FTO: variants seen among roughly 807,000 people sequenced by gnomAD.
FTO encodes the protein alpha-ketoglutarate-dependent dioxygenase FTO.
Under a neutral mutation model 63.9 loss-of-function variants are expected in FTO, and 47 were observed. That is an observed-to-expected ratio of 0.74 (90% CI 0.58 to 0.94). FTO has a LOEUF of 0.94. FTO is among the 40% of genes least tolerant of loss of function. The probability of loss-of-function intolerance (pLI) is 0.00; values close to 1 mark genes in which losing one functional copy is unlikely to be tolerated. For missense variants in FTO, 562 were observed against 618.1 expected (o/e 0.91, Z 0.96); for synonymous variants, 207 against 224.4 (o/e 0.92, Z 0.69).
intron 1 of FTO, among the ~76,000 whole-genome samples, chr16:53,788,774 G>A (rs551863344): frequency 6.6e-6 from 1 of 152,172 alleles, no homozygotes; most frequent in South Asian, 2.1e-4. Flanking sequence ...GGGAGACCTT[G>A]GGTGTCTCTT....
At chr16:53,751,084 A>G (rs374824131) in intron 1 of FTO, among the ~76,000 whole-genome samples, 7 of 152,256 alleles carry the variant, frequency 4.6e-5, no homozygotes, top group African/African-American at 1.7e-4. Context: ...CTGGGCCACA[A>G]TGGAAGAATT....
Position 54,111,935 on chromosome 16 carries a change from C to T in FTO, c.*20C>T, listed in dbSNP as rs758033988. On this transcript the variant is annotated 3_prime_UTR_variant, in exon 9 of 9. Coordinates refer to ENST00000471389, the MANE Select transcript of FTO (RefSeq NM_001080432.3). ...CCCTAGAAGGAGCACAAGTCTCAGG[C>T]GGAGGAGAAAAAGAGATCGGCTTTT... 42 of 1,613,658 alleles carry T rather than the reference C, an allele frequency of 2.6e-5. No homozygotes were observed. The highest frequency in any genetic ancestry group is 4.5e-5 in the East Asian group (2 of 44,878).
At chr16:53,931,298 C>CTTT (rs869204000) in intron 7 of FTO, among the ~76,000 whole-genome samples, 2 of 101,942 alleles carry the variant, frequency 2.0e-5, no homozygotes, top group Non-Finnish European at 1.9e-5. Context: ...AACTATGTGA[C>CTTT]TTTTTTTTTT....
chr16:54,106,865 AATAAT>A (rs1430613175), intron 8 of FTO, among the ~76,000 whole-genome samples: 1 of 136,128 alleles, frequency 7.3e-6, no homozygotes, highest in African/African-American at 2.8e-5. Context: ...AATTATATAT[AATAAT>A]ATAATAAATA....
At chr16:53,903,231 T>C (rs1185486756) in intron 7 of FTO, among the ~76,000 whole-genome samples, 1 of 152,008 alleles carries the variant, frequency 6.6e-6, no homozygotes, top group Non-Finnish European at 1.5e-5. Flanking sequence ...CTTAGTTCTT[T>C]CCATACCTTT....
At chr16:53,715,514 C>T (rs1203333540) in intron 1 of FTO, among the ~76,000 whole-genome samples, 1 of 152,160 alleles carries the variant, frequency 6.6e-6, no homozygotes, top group East Asian at 1.9e-4. Flanking sequence ...ATCTTGGTGT[C>T]TTCTGTGGAG....
At chr16:53,817,674 C>T (rs2078734754) in intron 2 of FTO, among the ~76,000 whole-genome samples, 1 of 152,070 alleles carries the variant, frequency 6.6e-6, no homozygotes, top group Non-Finnish European at 1.5e-5. Context: ...CCATATCTGA[C>T]TTCCCTGTGT....
chr16:53,948,350 C>T (rs1318430567), intron 8 of FTO, among the ~76,000 whole-genome samples: 1 of 152,196 alleles, frequency 6.6e-6, no homozygotes, highest in Non-Finnish European at 1.5e-5. Context: ...TGCTAGTGAA[C>T]TCAGACCAGG....
At chr16:53,815,161 G>A (rs1009614545) in intron 2 of FTO, among the ~76,000 whole-genome samples, 1 of 152,030 alleles carries the variant, frequency 6.6e-6, no homozygotes, top group Non-Finnish European at 1.5e-5. Flanking sequence ...AAGAGCATTG[G>A]CGGTTACTCT....
chr16:54,085,318 C>A (rs1330010499), intron 8 of FTO, among the ~76,000 whole-genome samples: 1 of 152,144 alleles, frequency 6.6e-6, no homozygotes, highest in Non-Finnish European at 1.5e-5. Flanking sequence ...TATAGTTATC[C>A]ATTTTTTCCA....
At chr16:53,719,324 C>T (rs1306808396) in intron 1 of FTO, among the ~76,000 whole-genome samples, 5 of 150,548 alleles carry the variant, frequency 3.3e-5, no homozygotes, top group African/African-American at 1.2e-4. Flanking sequence ...CTCTGCCTCC[C>T]GGGCTCAAAC....
chr16:53,869,556 T>TC (rs2080436129), intron 4 of FTO, among the ~76,000 whole-genome samples: 1 of 140,934 alleles, frequency 7.1e-6, no homozygotes, highest in African/African-American at 2.6e-5. Flanking sequence ...TTTTTTTTTT[T>TC]CAGTCTTTTT....
chr16:53,909,330 A>G (rs983968290), intron 7 of FTO, among the ~76,000 whole-genome samples: 2 of 152,276 alleles, frequency 1.3e-5, no homozygotes, highest in African/African-American at 4.8e-5. Flanking sequence ...AGACATATAC[A>G]TGAATAAGGC....
chr16:54,061,114 C>T (rs1447735200), intron 8 of FTO, among the ~76,000 whole-genome samples: 1 of 152,110 alleles, frequency 6.6e-6, no homozygotes, highest in Non-Finnish European at 1.5e-5. Context: ...CCATTCCCAG[C>T]CTGGGTGGGG....
At chr16:53,797,111 G>A (rs1341031905) in intron 1 of FTO, among the ~76,000 whole-genome samples, 4 of 152,076 alleles carry the variant, frequency 2.6e-5, no homozygotes, top group Non-Finnish European at 4.4e-5. Context: ...TTTAGAGTAG[G>A]TTTAGGTTCT....
intron 8 of FTO, among the ~76,000 whole-genome samples, chr16:54,106,020 A>G (rs2086742978): frequency 6.6e-6 from 1 of 152,158 alleles, no homozygotes; most frequent in African/African-American, 2.4e-5. Context: ...ACAAAGTATA[A>G]TGTTAGTCAT....
At chr16:54,007,741 T>C (rs2084244134) in intron 8 of FTO, among the ~76,000 whole-genome samples, 1 of 152,242 alleles carries the variant, frequency 6.6e-6, no homozygotes, top group Non-Finnish European at 1.5e-5. Flanking sequence ...AAGGGAATGC[T>C]GGTCCTGTGT....
At chr16:53,766,482 C>G (rs2077206634) in intron 1 of FTO, among the ~76,000 whole-genome samples, 1 of 152,124 alleles carries the variant, frequency 6.6e-6, no homozygotes, top group African/African-American at 2.4e-5. Flanking sequence ...TTCAGTGCTC[C>G]AAAGTGCTGG....
At chr16:54,096,432 T>TA (rs1170797246) in intron 8 of FTO, among the ~76,000 whole-genome samples, 3 of 152,158 alleles carry the variant, frequency 2.0e-5, no homozygotes, top group African/African-American at 7.2e-5. Context: ...TGCACCAACA[T>TA]ATAATTGTGC....
Sources: allele counts gnomAD v4.1 joint callset (sites outside exome capture counted in the v4.1 genomes callset), GRCh38; gene constraint gnomAD v4.1.1; transcripts MANE v1.5; gene names NCBI Gene and HGNC (gene_info 2026-07-23, HGNC 2026-07-21).